The following CAND2 variants were observed in gnomAD, a reference collection of about 807,000 sequenced individuals.
CAND2 encodes cullin associated and neddylation dissociated 2 (putative).
In CAND2, 62 loss-of-function variants were observed where a neutral mutation model predicts 98.9. The ratio of observed to expected loss-of-function variants is 0.63; its 90% confidence interval spans 0.51 to 0.77. The LOEUF (loss-of-function observed/expected upper bound fraction) is 0.77, where lower values mean the gene tolerates loss of function less well. CAND2 is among the 30% of genes least tolerant of loss of function. CAND2 has a pLI of 0.00. For missense variants in CAND2, 1,501 were observed against 1,655.2 expected (o/e 0.91, Z 1.62); for synonymous variants, 770 against 731.9 (o/e 1.05, Z -0.84).
chr3:12,832,055 G>A (rs1246582976), intron 14 of CAND2, among the ~76,000 whole-genome samples: 2 of 152,218 alleles, frequency 1.3e-5, no homozygotes, highest in African/African-American at 4.8e-5. Context: ...GGCGTTGGGA[G>A]CAGAGCCTGG....
chr3:12,816,951 G>T lies in CAND2; in HGVS notation c.2019G>T (p.Leu673=), dbSNP rs1165212424. ...KNQRALRLAT[L]AALDALAQSQ... ...AGCGGGCTTTGCGACTGGCCACACT[G>T]GCAGCCCTGGACGCCCTGGCCCAGA... Residue 673 remains leucine, a synonymous_variant, in exon 10 of 15, where the codon CTG becomes CTT. Coordinates refer to ENST00000456430, the MANE Select transcript of CAND2 (RefSeq NM_001162499.2). 1 of 1,613,198 alleles carries T rather than the reference G, an allele frequency of 6.2e-7. No individual in the cohort carries two copies. Among genetic ancestry groups the T allele is most frequent in the Non-Finnish European group, 8.5e-7 (1 of 1,179,912 alleles).
chr3:12,817,768 G>C lies in CAND2; in HGVS notation c.2836G>C (p.Glu946Gln). The change falls in exon 10 of 15, where the codon GAG (glutamate) becomes CAG (glutamine). Residue 946 changes from glutamate to glutamine, a missense_variant. Physicochemically the swap from Glu to Gln is conservative, Grantham distance 29. Coordinates refer to ENST00000456430, the MANE Select transcript of CAND2 (RefSeq NM_001162499.2). ...DIWALLFQRC[E>Q]GAEEGTRGVV... ...CTGGGCCTTGCTGTTCCAGCGCTGC[G>C]AGGGTGCTGAGGAGGGCACCCGGGG... 6.5e-7 allele frequency: 1 copy of C among 1,549,362 alleles called. No homozygotes were observed. Among genetic ancestry groups the C allele is most frequent in the Non-Finnish European group, 8.7e-7 (1 of 1,149,050 alleles).
intron 11 of CAND2, 114 bp from the exon 12 acceptor site, chr3:12,825,356 A>G: frequency 1.0e-6 from 1 of 989,078 alleles, no homozygotes; most frequent in Non-Finnish European, 1.5e-6. Context: ...CACCCAGCTT[A>G]CCCCCATTCA....
rs180768267 is a variant in CAND2 at position 12,817,058 on chromosome 3, A to T, written c.2126A>T (p.His709Leu). 2 of 1,612,916 alleles carry T rather than the reference A, an allele frequency of 1.2e-6. No individual in the cohort carries two copies. Among genetic ancestry groups the T allele is most frequent in the Non-Finnish European group, 1.7e-6 (2 of 1,179,956 alleles). Residue 709 changes from histidine (H) to leucine (L), a missense_variant, in exon 10 of 15, where the codon CAT (histidine) becomes CTT (leucine). His to Leu is a moderately conservative substitution (Grantham distance 99, BLOSUM62 -3). This residue lies in a region of CAND2 where 1,427 missense variants were observed against 1,545.3 expected (regional missense o/e 0.92). Transcript: ENST00000456430. ...LPALVNESDM[H>L]VAQLAVDFLA... ...GCCCTGGTCAACGAGAGCGACATGC[A>T]TGTGGCCCAGCTGGCTGTGGACTTC...
chr3:12,804,831 T>C (rs924166379), intron 2 of CAND2, among the ~76,000 whole-genome samples: 10 of 152,168 alleles, frequency 6.6e-5, no homozygotes, highest in Admixed American at 6.5e-4. Context: ...GGCATGTTAA[T>C]GAATTTGCAA....
At chr3:12,808,414 A>G in intron 4 of CAND2, 81 bp downstream of exon 4, 1 of 1,450,740 alleles carries the variant, frequency 6.9e-7, no homozygotes, top group East Asian at 2.5e-5. Context: ...GCTAGCACCT[A>G]CTGCACACCA....
rs1303215869 is a variant in CAND2, at chr3:12,820,069, C to T, written c.2945-17C>T. The T allele has an allele frequency of 1.9e-6, 3 of 1,610,344 alleles. No individual in the cohort carries two copies. The highest frequency in any genetic ancestry group is 2.2e-5 in the South Asian group (2 of 90,986). ...TGGCCCCTGCCCCTCACTAACTCACCTCTTCTTGTCCTGCAGGTCGGCCAC... is the reference window on the plus strand; with the variant it reads ...TGGCCCCTGCCCCTCACTAACTCACTTCTTCTTGTCCTGCAGGTCGGCCAC... On this transcript the variant is annotated splice_polypyrimidine_tract_variant and intron_variant, in intron 10 of 14. Coordinates refer to ENST00000456430, the MANE Select transcript of CAND2 (RefSeq NM_001162499.2).
Position 12,807,366 on chromosome 3 carries a change from G to C in CAND2, c.273G>C (p.Leu91=). The C allele has an allele frequency of 6.4e-7, 1 of 1,551,730 alleles. No individual in the cohort carries two copies. The highest frequency in any genetic ancestry group is 8.7e-7 in the Non-Finnish European group (1 of 1,146,994). Residue 91 remains leucine (L), a synonymous_variant, in exon 3 of 15, where the codon CTG becomes CTC. Transcript: ENST00000456430. Reference sequence around the variant, plus strand: ...AGGTGGAGACCATTGTGGACACCCTGTGCACCAACATGCGGTCAGACAAGG... The same window carrying C: ...AGGTGGAGACCATTGTGGACACCCTCTGCACCAACATGCGGTCAGACAAGG... The part of the protein sequence containing the change: ...EYQVETIVDT[L]CTNMRSDKEQ...
intron 2 of CAND2, 34 bp downstream of exon 2, chr3:12,803,665 G>A (rs765536388): frequency 6.4e-7 from 1 of 1,552,088 alleles, no homozygotes; most frequent in Non-Finnish European, 8.7e-7. Flanking sequence ...AGGAGAGGGG[G>A]CCCTACCTTG....
At chr3:12,825,347 A>T in intron 11 of CAND2, 123 bp from the exon 12 acceptor site, 1 of 904,606 alleles carries the variant, frequency 1.1e-6, no homozygotes, top group Non-Finnish European at 1.7e-6. Flanking sequence ...TGCTCACCAC[A>T]CCCAGCTTAC....
intron 11 of CAND2, 27 bp downstream of exon 11, chr3:12,820,208 C>T (rs771260757): frequency 1.3e-6 from 2 of 1,557,272 alleles, no homozygotes; most frequent in Non-Finnish European, 1.8e-6. Context: ...TGCCCCTCCA[C>T]CTTGTTCAGT....
intron 1 of CAND2, among the ~76,000 whole-genome samples, chr3:12,797,186 C>A (rs550590422): frequency 6.8e-6 from 1 of 147,974 alleles, no homozygotes; most frequent in Non-Finnish European, 1.5e-5. Flanking sequence ...CCCGCCCCCA[C>A]CACCTTCAGC....
chr3:12,815,137 CCA>C lies in CAND2; in HGVS notation c.1007-3_1007-2del. The C allele has an allele frequency of 6.2e-7, 1 of 1,601,562 alleles. No individual in the cohort carries two copies. ...GTTCCACGTGTGTCTTGTTCCTGCC[CCA>C]GAGAGTGAAGACGAGTACAGCGATG... On this transcript the variant is annotated splice_acceptor_variant and splice_polypyrimidine_tract_variant and intron_variant, in intron 7 of 14. Transcript: ENST00000456430. LOFTEE classifies it high-confidence loss of function. The surrounding 1 kb of genome is among the most constrained non-coding windows in gnomAD (Gnocchi z 5.7).
At chr3:12,802,752 G>A (rs1016469350) in intron 1 of CAND2, among the ~76,000 whole-genome samples, 1 of 152,274 alleles carries the variant, frequency 6.6e-6, no homozygotes, top group East Asian at 1.9e-4. Context: ...ATCCTTAGGC[G>A]ATTTTGTCCT....
At chr3:12,805,033 A>G (rs951824127) in intron 2 of CAND2, among the ~76,000 whole-genome samples, 13 of 152,340 alleles carry the variant, frequency 8.5e-5, no homozygotes, top group African/African-American at 2.9e-4. Context: ...AAATTCATAC[A>G]TTATAAAACC....
chr3:12,796,827 C>G lies in CAND2; in HGVS notation c.68+39C>G, dbSNP rs1050398475. ...CCGGCCCCCTTCTCTCCTTCCCGCTCTGAAGCCGGGGGCCTTCTTCCCCTC... is the reference window on the plus strand; with the variant it reads ...CCGGCCCCCTTCTCTCCTTCCCGCTGTGAAGCCGGGGGCCTTCTTCCCCTC... On this transcript the variant is annotated intron_variant, in intron 1 of 14. Coordinates refer to ENST00000456430, the MANE Select transcript of CAND2 (RefSeq NM_001162499.2). 3.3e-6 allele frequency: 5 copies of G among 1,530,664 alleles called. No homozygotes were observed. In the African/African-American group the frequency reaches 6.9e-5, roughly 21 times the overall value. 94.8% of individuals were successfully genotyped at this position (1,530,664 alleles called of 1,614,324 possible).
Position 12,827,505 on chromosome 3 carries a change from A to T in CAND2, c.3276A>T (p.Glu1092Asp). 6.2e-7 allele frequency: 1 copy of T among 1,614,106 alleles called. No individual in the cohort carries two copies. The highest frequency in any genetic ancestry group is 8.5e-7 in the Non-Finnish European group (1 of 1,180,014). Residue 1092 changes from glutamate to aspartate, a missense_variant, in exon 13 of 15, where the codon GAA (glutamate) becomes GAT (aspartate). Physicochemically the swap from Glu to Asp is conservative, Grantham distance 45. This residue lies in a region of CAND2 where 1,427 missense variants were observed against 1,545.3 expected (regional missense o/e 0.92). Coordinates refer to ENST00000456430, the MANE Select transcript of CAND2 (RefSeq NM_001162499.2). ...TGGACGTGCGGAAGGCGGCCTTTGAATGCATGTATTCACTGCTTGAGAGCT... is the reference window on the plus strand; with the variant it reads ...TGGACGTGCGGAAGGCGGCCTTTGATTGCATGTATTCACTGCTTGAGAGCT... ...DGLDVRKAAF[E>D]CMYSLLESCL...
intron 14 of CAND2, 86 bp downstream of exon 14, chr3:12,831,658 TC>T (rs2062054936): frequency 3.9e-6 from 3 of 768,462 alleles, no homozygotes; most frequent in Non-Finnish European, 6.4e-6. Context: ...ACTGAGCACT[TC>T]CTGCAGTGCA....
rs759428283 is a variant in CAND2 at position 12,816,477 on chromosome 3, C to T, written c.1545C>T (p.Phe515=). The T allele has an allele frequency of 3.1e-6, 5 of 1,614,076 alleles. No individual in the cohort carries two copies. The South Asian group carries it at 4.4e-5, about 14-fold the overall frequency. Residue 515 remains phenylalanine, a synonymous_variant, in exon 10 of 15, where the codon TTC becomes TTT. Transcript: ENST00000456430. ...GLLGTEPAEA[F]HPHLPILLPP... ...TGGGCACCGAACCAGCTGAGGCCTTCCACCCACACTTGCCTATCCTCCTGC... is the reference window on the plus strand; with the variant it reads ...TGGGCACCGAACCAGCTGAGGCCTTTCACCCACACTTGCCTATCCTCCTGC...
Sources: gnomAD v4.1 joint callset for allele counts (sites outside exome capture counted in the v4.1 genomes callset) on GRCh38, gnomAD v4.1.1 for gene constraint, gnomAD v4.1.1 regional missense constraint, Gnocchi (gnomAD v3.1) non-coding constraint, MANE v1.5 for transcripts, NCBI Gene and HGNC (gene_info 2026-07-23, HGNC 2026-07-21) for gene names.